Variants in USP28 observed in about 807,000 individuals in gnomAD.
The protein encoded by USP28 is ubiquitin specific peptidase 28.
Under a neutral mutation model 145.0 loss-of-function variants are expected in USP28, and 113 were observed. That is an observed-to-expected ratio of 0.78 (90% CI 0.67 to 0.91). The LOEUF is 0.91. Among genes scored for constraint, USP28 ranks in the 40% least tolerant of loss-of-function variants. The pLI, the probability that USP28 is intolerant of heterozygous loss-of-function variation, is 0.00. For synonymous variants in USP28, 447 were observed against 450.9 expected, an observed-to-expected ratio of 0.99 and a Z score of 0.11; for missense variants, 1,201 against 1,289.6, an observed-to-expected ratio of 0.93 and a Z score of 1.05.
In USP28 at chr11:113,829,219, T is replaced by TG. The variant is rs750669388; in HGVS notation, c.1036dup (p.His346ProfsTer21). On this transcript the variant is annotated frameshift_variant, in exon 10 of 25. Coordinates refer to ENST00000003302, the Ensembl canonical transcript of USP28. LOFTEE classifies it high-confidence loss of function. ...TACCTCTTGTCCATACTTCACCGAG[T>TG]GATCGGAGGGAAGAAGCTCAACATC... The TG allele has an allele frequency of 6.2e-7, 1 of 1,613,910 alleles. No homozygotes were observed. The highest frequency in any genetic ancestry group is 1.7e-5 in the Admixed American group (1 of 59,978).
chr11:113,809,991 C>T (rs561244096), intron 16 of USP28, among the ~76,000 whole-genome samples: 5 of 144,400 alleles, frequency 3.5e-5, no homozygotes, highest in South Asian at 2.2e-4. Flanking sequence ...GCTGAGGTTG[C>T]GCCACTGCGC....
chr11:113,836,829 T>C (rs984374278), intron 5 of USP28, among the ~76,000 whole-genome samples: 1 of 152,132 alleles, frequency 6.6e-6, no homozygotes, highest in African/African-American at 2.4e-5. Context: ...AGTAACTCCC[T>C]GTCCACTCAG....
At chr11:113,799,737 A>G (rs138929757) in intron 24 of USP28, among the ~76,000 whole-genome samples, 2 of 152,226 alleles carry the variant, frequency 1.3e-5, no homozygotes, top group Non-Finnish European at 2.9e-5. Context: ...TGTTTACAAT[A>G]TATCAGTGTA....
intron 23 of USP28, among the ~76,000 whole-genome samples, chr11:113,802,781 A>G (rs1335814031): frequency 1.3e-5 from 2 of 152,222 alleles, no homozygotes; most frequent in African/African-American, 2.4e-5. Context: ...CATTCCTTCC[A>G]CACACATTTA....
At chr11:113,832,116 T>C in intron 7 of USP28, 123 bp from the exon 8 acceptor site, 1 of 884,896 alleles carries the variant, frequency 1.1e-6, no homozygotes, top group Non-Finnish European at 1.7e-6. Context: ...TTTTCTTTTC[T>C]TTTTTTGTTT....
intron 1 of USP28, among the ~76,000 whole-genome samples, chr11:113,871,695 G>T (rs1219864879): frequency 1.3e-5 from 2 of 152,212 alleles, no homozygotes; most frequent in Admixed American, 1.3e-4. Flanking sequence ...ATGGCGTAGG[G>T]AGAGGGGGAC....
intron 13 of USP28, among the ~76,000 whole-genome samples, chr11:113,817,155 C>T (rs1461846197): frequency 1.3e-5 from 2 of 152,170 alleles, no homozygotes; most frequent in Non-Finnish European, 2.9e-5. Flanking sequence ...AATCAGAGGG[C>T]TCCTGTGACT....
At chr11:113,826,085 C>T (rs920731123) in intron 11 of USP28, among the ~76,000 whole-genome samples, 5 of 151,918 alleles carry the variant, frequency 3.3e-5, no homozygotes, top group Non-Finnish European at 7.4e-5. Context: ...GGGATTGAGA[C>T]CATCCTGGCC....
chr11:113,803,769 A>G, intron 22 of USP28, 29 bp downstream of exon 23: 1 of 1,585,570 alleles, frequency 6.3e-7, no homozygotes, highest in Non-Finnish European at 8.7e-7. Context: ...CCTGACTAAT[A>G]ATCTTGGTAA....
At chr11:113,820,929 T>A (rs974876697) in intron 12 of USP28, 1 of 159,180 alleles carries the variant, frequency 6.3e-6, no homozygotes, top group South Asian at 1.8e-4. Flanking sequence ...CATGGTAGCC[T>A]GGGTGTCTTC....
intron 11 of USP28, among the ~76,000 whole-genome samples, chr11:113,825,777 C>A (rs1591275195): frequency 6.6e-6 from 1 of 152,168 alleles, no homozygotes; most frequent in African/African-American, 2.4e-5. Context: ...ATGCCACATT[C>A]TAGAAATGGT....
chr11:113,829,111 T>C (rs1943693698), intron 10 of USP28, 86 bp downstream of exon 10: 2 of 1,550,250 alleles, frequency 1.3e-6, no homozygotes, highest in Middle Eastern at 1.7e-4. Flanking sequence ...TTACTTAATA[T>C]GTGATGGGAA....
chr11:113,847,535 A>C (rs1185478302), intron 3 of USP28, among the ~76,000 whole-genome samples: 1 of 152,224 alleles, frequency 6.6e-6, no homozygotes, highest in Admixed American at 6.5e-5. Context: ...ATTTATTTGG[A>C]TCATTGTTCT....
intron 21 of USP28, among the ~76,000 whole-genome samples, chr11:113,804,360 C>T (rs759764553): frequency 4.6e-5 from 7 of 152,068 alleles, no homozygotes; most frequent in East Asian, 1.9e-4. Context: ...TATTTTAATG[C>T]GTATTTTTAA....
rs555933577 is a variant in USP28 at position 113,858,766 on chromosome 11, C to A, written c.58-4431G>T. On this transcript the variant is annotated intron_variant, in intron 1 of 24. Transcript: ENST00000003302. ...CTGGGATTATAGGCACCCACCACCA[C>A]GCCTAGCTAATTTTTGTATTTTTAG... Among the ~76,000 whole-genome samples, 7 of 152,284 alleles carry A rather than the reference C, an allele frequency of 4.6e-5. No homozygotes were observed. The South Asian group carries it at 1.2e-3, about 27-fold the overall frequency.
chr11:113,829,141 C>T, intron 10 of USP28, 56 bp downstream of exon 10: 2 of 1,591,876 alleles, frequency 1.3e-6, no homozygotes, highest in South Asian at 1.2e-5. Context: ...CCCAAAAGCT[C>T]ACTCCTACTT....
exon 25 of USP28, chr11:113,798,265 A>C (rs576050097): frequency 1.3e-5 from 2 of 152,412 alleles, no homozygotes; most frequent in African/African-American, 2.4e-5. Context: ...AAATACAAAA[A>C]TTAGCCAGGT....
In USP28 at chr11:113,874,614, A is replaced by G. The variant is rs1346562720; in HGVS notation, c.57+831T>C. 5.4e-6 allele frequency: 7 copies of G among 1,288,518 alleles called. No individual in the cohort carries two copies. In the Admixed American group the frequency reaches 1.4e-4, roughly 25 times the overall value. 79.8% of individuals were successfully genotyped at this position (1,288,518 alleles called of 1,614,324 possible). A position where few individuals can be genotyped will look rare whatever the true frequency, so the allele number is the denominator to read the frequency against. On this transcript the variant is annotated intron_variant, in intron 1 of 24. Coordinates refer to ENST00000003302, the Ensembl canonical transcript of USP28. ...GGCACAGATTTCCCGTTTTCTCTTG[A>G]AAAAGTGCAGTACTTGAGGGGTGAG...
At chr11:113,800,844 T>G (rs1324709339) in intron 24 of USP28, among the ~76,000 whole-genome samples, 2 of 150,218 alleles carry the variant, frequency 1.3e-5, no homozygotes, top group African/African-American at 4.9e-5. Flanking sequence ...CTGCATGATT[T>G]TTTTTTTTTT....
Sources: allele counts gnomAD v4.1 joint callset (sites outside exome capture counted in the v4.1 genomes callset), GRCh38; gene constraint gnomAD v4.1.1; transcripts MANE v1.5; gene names NCBI Gene and HGNC (gene_info 2026-07-23, HGNC 2026-07-21).